PRMT3: variants seen among roughly 807,000 people sequenced by gnomAD.
PRMT3 encodes protein arginine methyltransferase 3, also known as protein arginine N-methyltransferase 3.
PRMT3 carries 62 observed loss-of-function variants against 71.9 expected under a neutral mutation model. That is an observed-to-expected ratio of 0.86 (90% CI 0.70 to 1.07). The LOEUF (loss-of-function observed/expected upper bound fraction) is 1.07. Among genes scored for constraint, PRMT3 ranks in the 50% least tolerant of loss-of-function variants. The pLI is 0.00. For synonymous variants in PRMT3, 213 were observed against 220.4 expected (o/e 0.97, Z 0.30); for missense variants, 663 against 643.0 (o/e 1.03, Z -0.34).
At chr11:20,478,461 T>C (rs1850849741) in intron 13 of PRMT3, among the ~76,000 whole-genome samples, 1 of 151,750 alleles carries the variant, frequency 6.6e-6, no homozygotes, top group Non-Finnish European at 1.5e-5. Flanking sequence ...TTGATAGGAG[T>C]TGAAGGCTGC....
chr11:20,388,146 CT>C lies in PRMT3; in HGVS notation c.157del (p.Cys53ValfsTer40), dbSNP rs1334987784. The C allele has an allele frequency of 6.2e-7, 1 of 1,613,828 alleles. No individual in the cohort carries two copies. The highest frequency in any genetic ancestry group is 8.5e-7 in the Non-Finnish European group (1 of 1,180,006). On this transcript the variant is annotated frameshift_variant, in exon 2 of 16. Transcript: ENST00000331079. LOFTEE classifies it high-confidence loss of function. ...GCAAGCAGCAGACCCCCTGCCTGTTCTGTAACAGGTTCGTCCGCCTCAGCGC... is the reference window on the plus strand; with the variant it reads ...GCAAGCAGCAGACCCCCTGCCTGTTCGTAACAGGTTCGTCCGCCTCAGCGC... ...HGKQQTPCLF[C>X]NRLFTSAEET...
At position 20,402,952 on chromosome 11, in the gene PRMT3, A is replaced by C; in HGVS notation, c.739A>C (p.Ile247Leu). ...KIRTESYRDFIYQNPHIFKDK... is the reference protein window; with the variant it reads ...KIRTESYRDFLYQNPHIFKDK... ...ACGAACAGAAAGCTACCGAGATTTC[A>C]TATACCAAAATCCACATATCTTCAA... The change falls in exon 8 of 16, where the codon ATA (isoleucine) becomes CTA (leucine). Residue 247 changes from isoleucine (I) to leucine (L), a missense_variant. Physicochemically the swap from Ile to Leu is conservative, Grantham distance 5. Transcript: ENST00000331079. The C allele has an allele frequency of 6.2e-7, 1 of 1,608,046 alleles. No individual in the cohort carries two copies. Among genetic ancestry groups the C allele is most frequent in the Non-Finnish European group, 8.5e-7 (1 of 1,174,588 alleles).
At chr11:20,416,380 CAG>C (rs1565202915) in intron 9 of PRMT3, among the ~76,000 whole-genome samples, 1 of 152,184 alleles carries the variant, frequency 6.6e-6, no homozygotes, top group Non-Finnish European at 1.5e-5. Context: ...CCTTAGGTCA[CAG>C]AGATGAAATT....
intron 9 of PRMT3, among the ~76,000 whole-genome samples, chr11:20,421,805 A>G (rs995319080): frequency 1.3e-5 from 2 of 152,194 alleles, no homozygotes; most frequent in Non-Finnish European, 2.9e-5. Context: ...GAGCCAGTCA[A>G]TGAGATAGTG....
At chr11:20,423,616 T>C (rs1849474099) in intron 9 of PRMT3, among the ~76,000 whole-genome samples, 1 of 152,178 alleles carries the variant, frequency 6.6e-6, no homozygotes, top group East Asian at 1.9e-4. Context: ...ATCGTTGCTA[T>C]TTTAAGAAGT....
At chr11:20,392,286 T>A (rs1358190754) in intron 4 of PRMT3, 26 bp downstream of exon 4, 1 of 1,542,760 alleles carries the variant, frequency 6.5e-7, no homozygotes, top group Admixed American at 1.9e-5. Flanking sequence ...AATTTATAAT[T>A]TCGTTTAGAA....
Position 20,508,424 on chromosome 11 carries a change from A to G in PRMT3, c.*11A>G, listed in dbSNP as rs1851648830. On this transcript the variant is annotated 3_prime_UTR_variant, in exon 16 of 16. Coordinates refer to ENST00000331079, the MANE Select transcript of PRMT3 (RefSeq NM_005788.4). The stretch of plus-strand genomic sequence containing the variant: ...TATGGTCTCCAGTGAAACAGCCATA[A>G]AAGCACACTACCTTGTAGTTTTTAA... The G allele has an allele frequency of 1.3e-6, 2 of 1,561,082 alleles. No individual in the cohort carries two copies. Among genetic ancestry groups the G allele is most frequent in the African/African-American group, 2.7e-5 (2 of 73,488 alleles).
chr11:20,417,940 GT>G (rs749108184), intron 9 of PRMT3, among the ~76,000 whole-genome samples: 1 of 152,030 alleles, frequency 6.6e-6, no homozygotes, highest in African/African-American at 2.4e-5. Flanking sequence ...CCCCAATCCT[GT>G]TTACTGTTCT....
chr11:20,401,146 G>A (rs7932359), intron 7 of PRMT3, among the ~76,000 whole-genome samples: 124,780 of 152,104 alleles, frequency 0.82, 53,108 homozygotes, highest in Non-Finnish European at 0.95. Flanking sequence ...AGCAGTGCAT[G>A]GCATTAGGAT....
rs1021418521 is a variant in PRMT3 at position 20,394,981 on chromosome 11, C to T, written c.401-822C>T. On this transcript the variant is annotated intron_variant, in intron 5 of 15. Coordinates refer to ENST00000331079, the MANE Select transcript of PRMT3 (RefSeq NM_005788.4). ...AGGTGGCTTTGTGTAATGGGAAGAACGTGGGCTGGGAAGGCAGGTTTGGGT... is the reference window on the plus strand; with the variant it reads ...AGGTGGCTTTGTGTAATGGGAAGAATGTGGGCTGGGAAGGCAGGTTTGGGT... Among the ~76,000 whole-genome samples, 6 of 152,072 alleles carry T rather than the reference C, an allele frequency of 3.9e-5. No individual in the cohort carries two copies. In the South Asian group the frequency reaches 8.3e-4, roughly 21 times the overall value.
At chr11:20,401,973 TG>T (rs1459774628) in intron 7 of PRMT3, among the ~76,000 whole-genome samples, 1 of 152,260 alleles carries the variant, frequency 6.6e-6, no homozygotes, top group African/African-American at 2.4e-5. Flanking sequence ...AGATAGGTGC[TG>T]ATCAATGACT....
At chr11:20,502,797 G>A (rs1219061361) in intron 15 of PRMT3, among the ~76,000 whole-genome samples, 1 of 152,090 alleles carries the variant, frequency 6.6e-6, no homozygotes, top group Non-Finnish European at 1.5e-5. Context: ...CAGAACAAAT[G>A]TACAAAAATG....
At chr11:20,500,278 GAT>G (rs759658877) in intron 15 of PRMT3, among the ~76,000 whole-genome samples, 1 of 152,150 alleles carries the variant, frequency 6.6e-6, no homozygotes, top group Non-Finnish European at 1.5e-5. Context: ...ATAATGGAGA[GAT>G]ATACTCTGAA....
In PRMT3 at chr11:20,508,774, T is replaced by C. The variant is rs1565246281; in HGVS notation, c.*361T>C. ...TTTCTTACTATAAATTTTAAACAAA[T>C]TGGTTAGTTATTTGGATATTTTATT... On this transcript the variant is annotated 3_prime_UTR_variant, in exon 16 of 16. Coordinates refer to ENST00000331079, the MANE Select transcript of PRMT3 (RefSeq NM_005788.4). 2 of 306,800 alleles carry C rather than the reference T, an allele frequency of 6.5e-6. No individual in the cohort carries two copies. The highest frequency in any genetic ancestry group is 2.1e-5 in the African/African-American group (1 of 46,572). 19.0% of individuals were successfully genotyped at this position (306,800 alleles called of 1,614,324 possible).
At chr11:20,404,211 G>GTTTTTTTTTTTTTTT (rs71063629) in intron 8 of PRMT3, among the ~76,000 whole-genome samples, 1 of 34,338 alleles carries the variant, frequency 2.9e-5, no homozygotes, top group Admixed American at 4.2e-4. Context: ...ACTTTTCATA[G>GTTTTTTTTTTTTTTT]TTTTTTTTTT....
At chr11:20,476,611 A>AG (rs1850792615) in intron 13 of PRMT3, among the ~76,000 whole-genome samples, 1 of 152,224 alleles carries the variant, frequency 6.6e-6, no homozygotes, top group Admixed American at 6.5e-5. Flanking sequence ...TAGTCACTTC[A>AG]TAAGTTCCTT....
At chr11:20,452,971 T>A (rs1489738212) in intron 11 of PRMT3, among the ~76,000 whole-genome samples, 1 of 152,188 alleles carries the variant, frequency 6.6e-6, no homozygotes, top group Admixed American at 6.5e-5. Flanking sequence ...TAAAACTGAA[T>A]TGAATGGCAT....
chr11:20,469,927 TTAAAGA>T (rs1383563807), intron 13 of PRMT3, among the ~76,000 whole-genome samples: 18 of 152,288 alleles, frequency 1.2e-4, no homozygotes, highest in South Asian at 8.3e-4. Context: ...ACTACAGTTG[TTAAAGA>T]TAAACATCTG....
chr11:20,455,454 C>T (rs1850247503), intron 11 of PRMT3, among the ~76,000 whole-genome samples: 2 of 152,084 alleles, frequency 1.3e-5, no homozygotes, highest in South Asian at 4.1e-4. Context: ...TGTCTCTTGA[C>T]TATGGTGGTG....
Sources: allele counts gnomAD v4.1 joint callset (sites outside exome capture counted in the v4.1 genomes callset), GRCh38; gene constraint gnomAD v4.1.1; transcripts MANE v1.5; gene names NCBI Gene and HGNC (gene_info 2026-07-23, HGNC 2026-07-21).